The following TAF4B variants were observed in gnomAD, a reference collection of about 807,000 sequenced individuals.
TAF4B encodes transcription initiation factor TFIID subunit 4B.
Under a neutral mutation model 86.4 loss-of-function variants are expected in TAF4B, and 38 were observed. The ratio of observed to expected loss-of-function variants is 0.44; its 90% confidence interval spans 0.34 to 0.58. TAF4B has a LOEUF of 0.58. TAF4B is among the 20% of genes least tolerant of loss of function. The pLI is 0.02. For missense variants in TAF4B, 988 were observed against 1,027.6 expected (o/e 0.96, Z 0.53); for synonymous variants, 388 against 391.2 (o/e 0.99, Z 0.10).
At chr18:26,321,975 A>G (rs923708456) in intron 11 of TAF4B, among the ~76,000 whole-genome samples, 2 of 152,190 alleles carry the variant, frequency 1.3e-5, no homozygotes, top group African/African-American at 4.8e-5. Context: ...ACTTGCTGTT[A>G]TCAAGGTAAA....
chr18:26,297,100 C>G (rs1294948871), intron 9 of TAF4B, among the ~76,000 whole-genome samples: 1 of 150,540 alleles, frequency 6.6e-6, no homozygotes, highest in Non-Finnish European at 1.5e-5. Context: ...CGCCACTGCA[C>G]TCCAGCCTGG....
At chr18:26,374,724 G>A (rs981350421) in intron 14 of TAF4B, among the ~76,000 whole-genome samples, 3 of 152,028 alleles carry the variant, frequency 2.0e-5, no homozygotes, top group South Asian at 2.1e-4. Flanking sequence ...CCACAATACC[G>A]AGTTTACATG....
chr18:26,338,222 T>C lies in TAF4B; in HGVS notation c.2316+2991T>C, dbSNP rs748839659. On this transcript the variant is annotated intron_variant, in intron 13 of 14. Transcript: ENST00000269142. Reference sequence around the variant, plus strand: ...TAGCACTTTGGGAGGCTGAGATGGGTGAATCATCTGAGCTTAGGAGTTCGA... The same window carrying C: ...TAGCACTTTGGGAGGCTGAGATGGGCGAATCATCTGAGCTTAGGAGTTCGA... Among the ~76,000 whole-genome samples the C allele has an allele frequency of 6.9e-4, 105 of 152,044 alleles. 1 individual carries two copies. The highest frequency in any genetic ancestry group is 3.4e-3 in the Middle Eastern group (1 of 292).
intron 9 of TAF4B, among the ~76,000 whole-genome samples, chr18:26,307,130 C>T (rs527943720): frequency 3.3e-5 from 5 of 152,052 alleles, no homozygotes; most frequent in African/African-American, 4.8e-5. Context: ...AATAGACCCT[C>T]GATGTTGGCT....
At chr18:26,264,566 A>G (rs1186508075) in intron 1 of TAF4B, among the ~76,000 whole-genome samples, 1 of 152,232 alleles carries the variant, frequency 6.6e-6, no homozygotes, top group African/African-American at 2.4e-5. Context: ...CTTTAGAGCT[A>G]CTTGTGGCTA....
At chr18:26,279,534 AC>A (rs2056421351) in intron 5 of TAF4B, among the ~76,000 whole-genome samples, 1 of 144,874 alleles carries the variant, frequency 6.9e-6, no homozygotes, top group Non-Finnish European at 1.5e-5. Flanking sequence ...AATAGCCAAA[AC>A]AATTAGAAGC....
At chr18:26,364,372 T>G (rs917735129) in intron 14 of TAF4B, among the ~76,000 whole-genome samples, 2 of 152,200 alleles carry the variant, frequency 1.3e-5, no homozygotes, top group African/African-American at 4.8e-5. Context: ...TGAAGTTATA[T>G]ATATGAAATT....
chr18:26,342,823 C>A (rs1010658432), intron 13 of TAF4B, among the ~76,000 whole-genome samples: 5 of 152,168 alleles, frequency 3.3e-5, no homozygotes, highest in African/African-American at 1.2e-4. Flanking sequence ...TAAAAGAGAA[C>A]CTCCCAAACC....
At position 26,359,419 on chromosome 18, in the gene TAF4B, T is replaced by C. The variant is rs531300422; in HGVS notation, c.2421+1625T>C. ...GGGTATGAACATTAGGAAAACTCTA[T>C]GGGAAAAAATTCAAATATATACAAA... On this transcript the variant is annotated intron_variant, in intron 14 of 14. Transcript: ENST00000269142. Among the ~76,000 whole-genome samples the C allele has an allele frequency of 3.9e-5, 6 of 152,254 alleles. No individual in the cohort carries two copies. In the South Asian group the frequency reaches 1.2e-3, roughly 32 times the overall value.
At chr18:26,295,251 G>C in intron 9 of TAF4B, 1 of 385,772 alleles carries the variant, frequency 2.6e-6, no homozygotes, top group African/African-American at 2.1e-5. Flanking sequence ...TTTCTGTCGT[G>C]TTCTGTCATC....
chr18:26,287,737 G>C (rs1265063106), intron 7 of TAF4B, among the ~76,000 whole-genome samples: 4 of 152,166 alleles, frequency 2.6e-5, no homozygotes, highest in Non-Finnish European at 5.9e-5. Flanking sequence ...TGCTTCTTGG[G>C]TAGCCTTTCC....
chr18:26,319,661 C>T (rs967619361), intron 10 of TAF4B, among the ~76,000 whole-genome samples: 8 of 151,958 alleles, frequency 5.3e-5, no homozygotes, highest in Admixed American at 1.3e-4. Context: ...GCGATCTCAG[C>T]GCACTGCAAT....
chr18:26,330,850 AAT>A (rs2144691223), intron 12 of TAF4B, among the ~76,000 whole-genome samples: 1 of 152,302 alleles, frequency 6.6e-6, no homozygotes, highest in Non-Finnish European at 1.5e-5. Flanking sequence ...TTATTTAATC[AAT>A]GTAACTAATC....
chr18:26,230,686 T>C (rs1262236603), intron 1 of TAF4B, among the ~76,000 whole-genome samples: 1 of 152,210 alleles, frequency 6.6e-6, no homozygotes, highest in African/African-American at 2.4e-5. Context: ...GTGCTTTCAC[T>C]CTCATAGTAC....
intron 14 of TAF4B, among the ~76,000 whole-genome samples, chr18:26,365,595 G>A (rs2057366443): frequency 6.6e-6 from 1 of 152,208 alleles, no homozygotes; most frequent in African/African-American, 2.4e-5. Context: ...GAGTGAGACA[G>A]AGTCCGTGGC....
intron 3 of TAF4B, among the ~76,000 whole-genome samples, chr18:26,268,427 A>C (rs1284902679): frequency 6.6e-6 from 1 of 152,094 alleles, no homozygotes; most frequent in Non-Finnish European, 1.5e-5. Context: ...TCCCTCTTCC[A>C]CTGTGCCTTC....
intron 14 of TAF4B, among the ~76,000 whole-genome samples, chr18:26,358,144 A>G (rs2057303185): frequency 1.3e-5 from 2 of 152,188 alleles, no homozygotes; most frequent in African/African-American, 4.8e-5. Context: ...CTAATCTTGT[A>G]AGACCGAATC....
chr18:26,318,008 C>T (rs901851308), intron 10 of TAF4B, among the ~76,000 whole-genome samples: 1 of 152,118 alleles, frequency 6.6e-6, no homozygotes, highest in Non-Finnish European at 1.5e-5. Context: ...AAGGGAACAA[C>T]TATTTGCATT....
intron 9 of TAF4B, among the ~76,000 whole-genome samples, chr18:26,299,783 A>G (rs2056708891): frequency 6.6e-6 from 1 of 152,138 alleles, no homozygotes; most frequent in East Asian, 1.9e-4. Flanking sequence ...TGTACATTTC[A>G]TATTGATTTT....
Sources: gnomAD v4.1 joint callset for allele counts (sites outside exome capture counted in the v4.1 genomes callset) on GRCh38, gnomAD v4.1.1 for gene constraint, MANE v1.5 for transcripts, NCBI Gene and HGNC (gene_info 2026-07-23, HGNC 2026-07-21) for gene names.